The following SH3YL1 variants were observed in gnomAD, a reference collection of about 807,000 sequenced individuals.
SH3YL1 encodes the protein SH3 domain-containing YSC84-like protein 1.
A neutral mutation model predicts 45.8 loss-of-function variants in SH3YL1; 41 were observed. The observed-to-expected ratio is 0.89, with a 90% CI of 0.70 to 1.16. The LOEUF is 1.16. Among genes scored for constraint, SH3YL1 ranks in the 50% most tolerant of loss-of-function variants. The probability of loss-of-function intolerance (pLI) is 0.00; values close to 1 mark genes in which losing one functional copy is unlikely to be tolerated. For missense variants in SH3YL1, 389 were observed against 409.6 expected (o/e 0.95, Z 0.43); for synonymous variants, 152 against 151.4 (o/e 1.00, Z -0.03).
chr2:238,708 G>A (rs909801399), intron 4 of SH3YL1, among the ~76,000 whole-genome samples: 3 of 152,114 alleles, frequency 2.0e-5, no homozygotes, highest in East Asian at 1.9e-4. Flanking sequence ...AAAAGAAACC[G>A]TTAGTGGTAT....
At chr2:258,352 T>C (rs940693240) in intron 1 of SH3YL1, among the ~76,000 whole-genome samples, 4 of 152,228 alleles carry the variant, frequency 2.6e-5, no homozygotes, top group Non-Finnish European at 4.4e-5. Flanking sequence ...TAATTCTTGT[T>C]GTAGAGATCT....
intron 1 of SH3YL1, among the ~76,000 whole-genome samples, chr2:255,340 TC>T (rs1171328760): frequency 2.0e-5 from 3 of 152,190 alleles, no homozygotes; most frequent in Non-Finnish European, 4.4e-5. Context: ...GGCTGGGTAC[TC>T]CCAGCACTTT....
intron 7 of SH3YL1, 150 bp from the exon 8 acceptor site, chr2:230,194 G>T (rs1667974625): frequency 3.5e-6 from 2 of 571,398 alleles, no homozygotes; most frequent in Admixed American, 3.1e-5. Flanking sequence ...GCACCCCTCT[G>T]GACTCTATGT....
chr2:233,267 CAGCTCCAAGCCGAGGATCACTATTT>C, intron 5 of SH3YL1, 38 bp from the exon 6 acceptor site: 2 of 1,496,662 alleles, frequency 1.3e-6, no homozygotes, highest in Middle Eastern at 3.6e-4. Context: ...AAGCTGTGAG[CAGCTCCAAGCCGAGGATCACTATTT>C]AAATAGCACT....
At chr2:252,522 T>A (rs578209501) in intron 2 of SH3YL1, among the ~76,000 whole-genome samples, 2 of 152,320 alleles carry the variant, frequency 1.3e-5, no homozygotes, top group African/African-American at 4.8e-5. Context: ...TTGCCTGGTC[T>A]GCAGCTGGCC....
chr2:238,430 ACT>A (rs1377383393), intron 4 of SH3YL1, among the ~76,000 whole-genome samples: 1 of 152,010 alleles, frequency 6.6e-6, no homozygotes, highest in Non-Finnish European at 1.5e-5. Context: ...TAGAAACTGG[ACT>A]CTGATCTCTA....
intron 9 of SH3YL1, chr2:222,828 A>G (rs1667632751): frequency 1.3e-5 from 2 of 152,348 alleles, no homozygotes; most frequent in South Asian, 4.1e-4. Flanking sequence ...TGGAGGACTC[A>G]GTGTCCTGCT....
intron 4 of SH3YL1, chr2:240,899 AC>A (rs376481536): frequency 2.0e-5 from 3 of 152,246 alleles, no homozygotes; most frequent in African/African-American, 7.2e-5. Context: ...CAGCAAGCAA[AC>A]AATAAGAGGC....
intron 7 of SH3YL1, 60 bp downstream of exon 7, chr2:230,963 A>G (rs772082614): frequency 2.6e-6 from 4 of 1,539,662 alleles, no homozygotes; most frequent in Non-Finnish European, 3.6e-6. Context: ...TCAGGGACAG[A>G]ATGTTCTACA....
chr2:225,048 T>C, intron 8 of SH3YL1, 128 bp from the exon 9 acceptor site: 1 of 728,502 alleles, frequency 1.4e-6, no homozygotes, highest in Non-Finnish European at 2.5e-6. Flanking sequence ...AGGATCATCA[T>C]CATTTGATTG....
chr2:244,123 A>G (rs1668670108), intron 4 of SH3YL1, among the ~76,000 whole-genome samples: 1 of 152,018 alleles, frequency 6.6e-6, no homozygotes, highest in Admixed American at 6.5e-5. Context: ...TAGCTATTTT[A>G]CGGATAAAAT....
chr2:261,210 A>G (rs1328548043), intron 1 of SH3YL1: 2 of 152,228 alleles, frequency 1.3e-5, no homozygotes, highest in Non-Finnish European at 2.9e-5. Context: ...ATGATGGCTC[A>G]CCCATTTTTC....
At position 218,845 on chromosome 2, in the gene SH3YL1, C is replaced by G; in HGVS notation, c.995G>C (p.Gly332Ala). ...WWEGKLRGQT[G>A]IFPANYVTMN is the part of the protein sequence containing the mutation. ...GGTTACGTAGTTGGCTGGAAAAATG[C>G]CAGTTTGACCTCGAAGTTTTCCTTC... Residue 332 changes from glycine to alanine, a missense_variant, in exon 10 of 10, where the codon GGC (glycine) becomes GCC (alanine). Physicochemically the swap from Gly to Ala is moderately conservative, Grantham distance 60. Transcript: ENST00000356150. The G allele has an allele frequency of 6.2e-7, 1 of 1,613,518 alleles. No individual in the cohort carries two copies. Among genetic ancestry groups the G allele is most frequent in the Non-Finnish European group, 8.5e-7 (1 of 1,179,698 alleles).
chr2:232,981 C>G, intron 6 of SH3YL1, 120 bp downstream of exon 6: 1 of 749,238 alleles, frequency 1.3e-6, no homozygotes, highest in Non-Finnish European at 1.9e-6. Context: ...ATGTAAGATA[C>G]ACACTTAAAA....
chr2:229,983 A>G lies in SH3YL1; in HGVS notation c.764T>C (p.Leu255Pro). 6.2e-7 allele frequency: 1 copy of G among 1,613,104 alleles called. No individual in the cohort carries two copies. The highest frequency in any genetic ancestry group is 8.5e-7 in the Non-Finnish European group (1 of 1,179,238). The part of the protein sequence containing the change: ...RPQQSSAPVQ[L>P]NSGSQSNRNE... ...ATATTTACTTTGAGAGCCAGAGTTC[A>G]GCTGGACTGGTGCAGATGACTGCTG... Residue 255 changes from leucine to proline, a missense_variant, in exon 8 of 10, where the codon CTG becomes CCG. Coordinates refer to ENST00000356150, the MANE Select transcript of SH3YL1 (RefSeq NM_015677.4).
Position 249,731 on chromosome 2 carries a change from T to C in SH3YL1, c.226A>G (p.Lys76Glu), listed in dbSNP as rs910024858. The part of the protein sequence containing the change: ...GIVVARLPDG[K>E]WSAPSAIGIA... ...CTCCAGTGAACAGACGCCAACTTAC[T>C]TCCATCTGGAAGGCGCGCCACTACA... Residue 76 changes from lysine to glutamate, a missense_variant and splice_region_variant, in exon 3 of 10, where the codon AAA (lysine) becomes GAA (glutamate). Coordinates refer to ENST00000356150, the MANE Select transcript of SH3YL1 (RefSeq NM_015677.4). 1 of 1,550,068 alleles carries C rather than the reference T, an allele frequency of 6.5e-7. No individual in the cohort carries two copies. Among genetic ancestry groups the C allele is most frequent in the African/African-American group, 1.4e-5 (1 of 73,002 alleles).
chr2:229,522 G>T (rs1162737747), intron 8 of SH3YL1, among the ~76,000 whole-genome samples: 7 of 152,066 alleles, frequency 4.6e-5, no homozygotes, highest in Middle Eastern at 6.8e-3. Flanking sequence ...GAGGTCAGGA[G>T]ATCGAGACCA....
rs1258182878 is a variant in SH3YL1, at chr2:263,981, CACTG to C, written c.-1_1+2del. 15 of 1,473,414 alleles carry C rather than the reference CACTG, an allele frequency of 1.0e-5. No homozygotes were observed. In the Admixed American group the frequency reaches 2.7e-4, roughly 26 times the overall value. The allele number at this position is 1,473,414 out of a possible 1,614,324, so 91.3% of individuals were successfully genotyped here. On this transcript the variant is annotated splice_donor_variant and coding_sequence_variant and 5_prime_UTR_variant, in exon 1 of 10. Transcript: ENST00000356150. LOFTEE classifies it high-confidence loss of function. ...CCGGACAGGTGGGTCCCCGGGTACT[CACTG>C]CTGCCCGCCCGGCCGCGGCGCCCCG... is the stretch of plus-strand genomic sequence containing the variant.
intron 4 of SH3YL1, among the ~76,000 whole-genome samples, chr2:245,685 G>T (rs1323064893): frequency 6.6e-6 from 1 of 152,008 alleles, no homozygotes; most frequent in Non-Finnish European, 1.5e-5. Context: ...CCACTGTCTC[G>T]TATTGTCTTT....
Sources: gnomAD v4.1 joint callset for allele counts (sites outside exome capture counted in the v4.1 genomes callset) on GRCh38, gnomAD v4.1.1 for gene constraint, MANE v1.5 for transcripts, NCBI Gene and HGNC (gene_info 2026-07-23, HGNC 2026-07-21) for gene names.